Variants in PCDHA4 observed in about 807,000 individuals in gnomAD.
PCDHA4 encodes protocadherin alpha 4.
Under a neutral mutation model 61.4 loss-of-function variants are expected in PCDHA4, and 49 were observed. The observed-to-expected ratio is 0.80, with a 90% CI of 0.63 to 1.01. PCDHA4 has a LOEUF of 1.01. Among genes scored for constraint, PCDHA4 ranks in the 50% least tolerant of loss-of-function variants. PCDHA4 has a pLI of 0.00. For synonymous variants in PCDHA4, 590 were observed against 550.3 expected (o/e 1.07, Z -1.01); for missense variants, 1,254 against 1,235.8 (o/e 1.01, Z -0.22).
chr5:140,824,376 A>G, intron 1 of PCDHA4: 2 of 567,188 alleles, frequency 3.5e-6, no homozygotes, highest in Non-Finnish European at 6.1e-6. Context: ...TGAATTTTGC[A>G]TCTCTAAAAA....
intron 1 of PCDHA4, chr5:140,883,720 A>G (rs782338608): frequency 4.3e-6 from 7 of 1,613,566 alleles, no homozygotes; most frequent in Middle Eastern, 1.7e-4. Flanking sequence ...ACGCGGACGC[A>G]CAGGAGAACG....
chr5:140,823,495 G>A, intron 1 of PCDHA4: 2 of 1,613,338 alleles, frequency 1.2e-6, no homozygotes. Flanking sequence ...TGGCACCGGC[G>A]GCGCAGTGAG....
chr5:140,856,427 G>A lies in PCDHA4; in HGVS notation c.2385+46855G>A, dbSNP rs782109045. ...GGACGTGGAAGTGAAGGACATTAAC[G>A]ACAACCCGCCCAGGTTCTCCGTAAC... On this transcript the variant is annotated intron_variant, in intron 1 of 3. Coordinates refer to ENST00000530339, the MANE Select transcript of PCDHA4 (RefSeq NM_018907.4). The A allele has an allele frequency of 9.4e-6, 15 of 1,598,250 alleles. 1 individual carries two copies. Among genetic ancestry groups the A allele is most frequent in the Non-Finnish European group, 1.3e-5 (15 of 1,167,914 alleles).
chr5:140,928,068 CA>C, intron 1 of PCDHA4: 1 of 1,614,214 alleles, frequency 6.2e-7, no homozygotes, highest in South Asian at 1.1e-5. Context: ...CTTCCTTTGA[CA>C]ACTACTACAG....
At chr5:140,829,989 C>T (rs2150179119) in intron 1 of PCDHA4, 11 of 1,613,848 alleles carry the variant, frequency 6.8e-6, no homozygotes, top group Non-Finnish European at 9.3e-6. Context: ...GAGATCAGCA[C>T]CACTCGTGTC....
At chr5:140,953,932 C>T (rs1005245846) in intron 1 of PCDHA4, among the ~76,000 whole-genome samples, 1 of 152,060 alleles carries the variant, frequency 6.6e-6, no homozygotes, top group Admixed American at 6.6e-5. Flanking sequence ...CTGATGCTCT[C>T]CCTCCCATTG....
intron 1 of PCDHA4, chr5:140,835,670 C>A: frequency 6.2e-7 from 1 of 1,613,852 alleles, no homozygotes; most frequent in Non-Finnish European, 8.5e-7. Flanking sequence ...CCGCGCGGGA[C>A]GGGGGCTCGC....
At position 140,822,512 on chromosome 5, in the gene PCDHA4, A is replaced by G. The variant is rs2150116913; in HGVS notation, c.2385+12940A>G. 3 of 1,613,952 alleles carry G rather than the reference A, an allele frequency of 1.9e-6. No individual in the cohort carries two copies. The East Asian group carries it at 6.7e-5, about 36-fold the overall frequency. On this transcript the variant is annotated intron_variant, in intron 1 of 3. Transcript: ENST00000530339. ...GCCCCAGAATTTGATAAATCCATTT[A>G]TAATGTCAGATTGTTGGAAAATGCA...
At chr5:140,823,206 T>A in intron 1 of PCDHA4, 1 of 1,613,806 alleles carries the variant, frequency 6.2e-7, no homozygotes, top group South Asian at 1.1e-5. Flanking sequence ...TCACGGTGTC[T>A]GCACGGGACG....
chr5:140,843,626 C>T, intron 1 of PCDHA4: 1 of 1,596,058 alleles, frequency 6.3e-7, no homozygotes, highest in East Asian at 2.2e-5. Context: ...GAAGACGGAC[C>T]TCATGGCCTT....
chr5:140,836,926 G>A (rs1041643515), intron 1 of PCDHA4: 6 of 510,622 alleles, frequency 1.2e-5, no homozygotes, highest in Non-Finnish European at 1.7e-5. Flanking sequence ...TTTGGGATGC[G>A]TAATACTATA....
intron 1 of PCDHA4, chr5:140,857,719 G>A (rs781995177): frequency 6.3e-7 from 1 of 1,597,526 alleles, no homozygotes. Flanking sequence ...TGCTGGACGA[G>A]AACGACAACG....
chr5:140,848,206 A>G lies in PCDHA4; in HGVS notation c.2385+38634A>G, dbSNP rs1354979846. The G allele has an allele frequency of 2.7e-5, 9 of 338,544 alleles. No homozygotes were observed. In the East Asian group the frequency reaches 4.5e-4, roughly 17 times the overall value. 21.0% of individuals were successfully genotyped at this position (338,544 alleles called of 1,614,324 possible). A position where few individuals can be genotyped will look rare whatever the true frequency, so the allele number is the denominator to read the frequency against. On this transcript the variant is annotated intron_variant, in intron 1 of 3. Transcript: ENST00000530339. ...GGGATCTTCTGTTTCAACAATCATTACTTAAGAAAAAATTAAGAAAATGAA... is the reference window on the plus strand; with the variant it reads ...GGGATCTTCTGTTTCAACAATCATTGCTTAAGAAAAAATTAAGAAAATGAA...
At chr5:140,937,174 A>G (rs1449263512) in intron 1 of PCDHA4, among the ~76,000 whole-genome samples, 1 of 151,302 alleles carries the variant, frequency 6.6e-6, no homozygotes, top group Non-Finnish European at 1.5e-5. Flanking sequence ...AGTAGCTGGG[A>G]CTACAGGCGC....
chr5:140,849,469 A>T, intron 1 of PCDHA4: 1 of 1,589,622 alleles, frequency 6.3e-7, no homozygotes. Context: ...GCTGTCGATA[A>T]AGGCTTCCCA....
At chr5:140,939,590 C>G (rs1385974524) in intron 1 of PCDHA4, among the ~76,000 whole-genome samples, 1 of 152,052 alleles carries the variant, frequency 6.6e-6, no homozygotes, top group African/African-American at 2.4e-5. Flanking sequence ...TTTTAACATA[C>G]CTTGCTCAAA....
intron 3 of PCDHA4, among the ~76,000 whole-genome samples, chr5:141,004,496 C>T (rs1179748811): frequency 6.6e-6 from 1 of 152,152 alleles, no homozygotes; most frequent in Non-Finnish European, 1.5e-5. Context: ...CTTGGCAGTC[C>T]TGCTGTGAGG....
Position 140,978,942 on chromosome 5 carries a change from T to C in PCDHA4, c.2386-7T>C, listed in dbSNP as rs781997267. 5 of 1,614,058 alleles carry C rather than the reference T, an allele frequency of 3.1e-6. No individual in the cohort carries two copies. The African/African-American group carries it at 6.7e-5, about 22-fold the overall frequency. ...TTTAACAGAAAACTCTCTTTGTGAT[T>C]TTGCAGCCACGACAGCCCAACCCTG... is the stretch of plus-strand genomic sequence containing the variant. On this transcript the variant is annotated splice_region_variant and splice_polypyrimidine_tract_variant and intron_variant, in intron 1 of 3. Coordinates refer to ENST00000530339, the MANE Select transcript of PCDHA4 (RefSeq NM_018907.4).
chr5:140,963,895 T>C (rs1331133094), intron 1 of PCDHA4, among the ~76,000 whole-genome samples: 2 of 152,224 alleles, frequency 1.3e-5, no homozygotes, highest in Non-Finnish European at 2.9e-5. Flanking sequence ...TTAATTAAAA[T>C]GAGTAAAGTG....
Sources: allele counts gnomAD v4.1 joint callset (sites outside exome capture counted in the v4.1 genomes callset), GRCh38; gene constraint gnomAD v4.1.1; transcripts MANE v1.5; gene names NCBI Gene and HGNC (gene_info 2026-07-23, HGNC 2026-07-21).